GPC5: variants seen among roughly 807,000 people sequenced by gnomAD.
The protein encoded by GPC5 is glypican 5, also known as glypican-5.
A neutral mutation model predicts 53.9 loss-of-function variants in GPC5; 47 were observed. The observed-to-expected ratio is 0.87, with a 90% CI of 0.69 to 1.11. The LOEUF (loss-of-function observed/expected upper bound fraction) is 1.11. Ranked by LOEUF, GPC5 falls within the 50% of genes most tolerant of loss-of-function variation. The pLI is 0.00. For synonymous variants in GPC5, 286 were observed against 263.3 expected (o/e 1.09, Z -0.84); for missense variants, 748 against 713.1 (o/e 1.05, Z -0.56).
chr13:91,726,618 C>A (rs1200301848), intron 3 of GPC5, among the ~76,000 whole-genome samples: 1 of 152,180 alleles, frequency 6.6e-6, no homozygotes, highest in Admixed American at 6.5e-5. Flanking sequence ...GGCACCTACC[C>A]TCTGAGGACT....
At chr13:92,635,548 A>C (rs1328001117) in intron 7 of GPC5, among the ~76,000 whole-genome samples, 1 of 152,204 alleles carries the variant, frequency 6.6e-6, no homozygotes, top group Non-Finnish European at 1.5e-5. Flanking sequence ...AATGGCATTA[A>C]TCTGTACATA....
intron 2 of GPC5, among the ~76,000 whole-genome samples, chr13:91,478,879 C>CA (rs1883127207): frequency 2.3e-5 from 1 of 42,572 alleles, no homozygotes; most frequent in Non-Finnish European, 4.5e-5. Context: ...TATATATACA[C>CA]ATTATATATA....
intron 7 of GPC5, among the ~76,000 whole-genome samples, chr13:92,736,771 G>A (rs1401078613): frequency 6.6e-6 from 1 of 151,148 alleles, no homozygotes. Flanking sequence ...TGAGAACAGG[G>A]TGTTTACTCT....
chr13:92,184,678 T>G (rs2042171765), intron 7 of GPC5, among the ~76,000 whole-genome samples: 1 of 152,244 alleles, frequency 6.6e-6, no homozygotes, highest in South Asian at 2.1e-4. Context: ...AAATATTTTT[T>G]GTTTTATTTT....
chr13:92,075,673 T>A (rs1594753927), intron 6 of GPC5, among the ~76,000 whole-genome samples: 2 of 152,292 alleles, frequency 1.3e-5, no homozygotes, highest in Middle Eastern at 3.4e-3. Context: ...ACAAAAGATT[T>A]CTCTATTGGA....
At chr13:92,650,283 A>G (rs569017237) in intron 7 of GPC5, among the ~76,000 whole-genome samples, 45 of 152,250 alleles carry the variant, frequency 3.0e-4, no homozygotes, top group African/African-American at 9.6e-4. Context: ...AAACAGCAAA[A>G]GGACTCATTT....
intron 5 of GPC5, among the ~76,000 whole-genome samples, chr13:91,770,029 G>GT (rs2037593399): frequency 6.6e-6 from 1 of 152,150 alleles, no homozygotes; most frequent in Admixed American, 6.5e-5. Context: ...ACTTCCATAT[G>GT]ACTTGGCTAC....
In GPC5 at chr13:92,514,150, G is replaced by A. The variant is rs113613863; in HGVS notation, c.1562-352132G>A. Among the ~76,000 whole-genome samples, 283 of 30,346 alleles carry A rather than the reference G, an allele frequency of 9.3e-3. 2 individuals carry two copies. The highest frequency in any genetic ancestry group is 0.031 in the African/African-American group (263 of 8,622). 19.9% of individuals were successfully genotyped at this position (30,346 alleles called of 152,430 possible). A position where few individuals can be genotyped will look rare whatever the true frequency, so the allele number is the denominator to read the frequency against. On this transcript the variant is annotated intron_variant, in intron 7 of 7. Coordinates refer to ENST00000377067, the MANE Select transcript of GPC5 (RefSeq NM_004466.6). ...TGCTAGTCCCTGCCCCCCCGCCCCC[G>A]CCCCACACACACACCCAGGTCATAT... is the stretch of plus-strand genomic sequence containing the variant.
chr13:92,535,668 T>TA (rs11409400), intron 7 of GPC5, among the ~76,000 whole-genome samples: 62,919 of 147,890 alleles, frequency 0.43, 13,701 homozygotes, highest in African/African-American at 0.54. Context: ...CTATGTTTAT[T>TA]AAAAAAAAAA....
intron 7 of GPC5, among the ~76,000 whole-genome samples, chr13:92,678,564 C>T (rs1887019590): frequency 6.6e-6 from 1 of 152,154 alleles, no homozygotes; most frequent in South Asian, 2.1e-4. Context: ...GTTTAAGGGA[C>T]AGCAAATAGG....
In GPC5 at chr13:92,229,025, G is replaced by T. The variant is rs553299593; in HGVS notation, c.1561+84036G>T. Among the ~76,000 whole-genome samples the T allele has an allele frequency of 1.4e-4, 21 of 152,120 alleles. 1 individual carries two copies. In the Middle Eastern group the frequency reaches 0.014, roughly 99 times the overall value. On this transcript the variant is annotated intron_variant, in intron 7 of 7. Coordinates refer to ENST00000377067, the MANE Select transcript of GPC5 (RefSeq NM_004466.6). ...AAAATCAATAGCAAAACACAAATTTGCACAAGAAAGAAAAAGTGATAGACT... is the reference window on the plus strand; with the variant it reads ...AAAATCAATAGCAAAACACAAATTTTCACAAGAAAGAAAAAGTGATAGACT...
rs754930285 is a variant in GPC5 at position 92,361,791 on chromosome 13, C to T, written c.1561+216802C>T. Among the ~76,000 whole-genome samples the T allele has an allele frequency of 1.5e-4, 22 of 151,628 alleles. 1 individual carries two copies. The highest frequency in any genetic ancestry group is 5.4e-4 in the African/African-American group (22 of 40,944). ...CTCAAGAAAACCTCAACAGATTATACAATTATATGTAATGACTCATAAGTG... is the reference window on the plus strand; with the variant it reads ...CTCAAGAAAACCTCAACAGATTATATAATTATATGTAATGACTCATAAGTG... On this transcript the variant is annotated intron_variant, in intron 7 of 7. Coordinates refer to ENST00000377067, the MANE Select transcript of GPC5 (RefSeq NM_004466.6).
chr13:92,188,942 G>A (rs1272686362), intron 7 of GPC5, among the ~76,000 whole-genome samples: 2 of 152,186 alleles, frequency 1.3e-5, no homozygotes, highest in Non-Finnish European at 2.9e-5. Flanking sequence ...AACTTGGAGA[G>A]ACAGGCAGGT....
chr13:92,004,761 G>T (rs2040591557), intron 6 of GPC5, among the ~76,000 whole-genome samples: 1 of 151,710 alleles, frequency 6.6e-6, no homozygotes, highest in Admixed American at 6.6e-5. Context: ...GTGGTGGCAG[G>T]CAAGAAAGAA....
chr13:92,081,854 A>G (rs1365403145), intron 6 of GPC5, among the ~76,000 whole-genome samples: 1 of 152,212 alleles, frequency 6.6e-6, no homozygotes, highest in Non-Finnish European at 1.5e-5. Flanking sequence ...TGTCTCAGGA[A>G]GTATATAATG....
chr13:92,637,576 CT>C (rs1332023201), intron 7 of GPC5, among the ~76,000 whole-genome samples: 2 of 152,144 alleles, frequency 1.3e-5, no homozygotes, highest in Non-Finnish European at 2.9e-5. Flanking sequence ...TCTCCCTAGA[CT>C]AAAAGGTGCT....
chr13:92,311,418 T>C (rs958971174), intron 7 of GPC5, among the ~76,000 whole-genome samples: 2 of 152,166 alleles, frequency 1.3e-5, no homozygotes, highest in Non-Finnish European at 2.9e-5. Flanking sequence ...TCGTACATTT[T>C]ATAAAAGGGA....
intron 7 of GPC5, among the ~76,000 whole-genome samples, chr13:92,501,508 C>T (rs1034083976): frequency 2.0e-5 from 3 of 151,974 alleles, no homozygotes; most frequent in African/African-American, 4.8e-5. Flanking sequence ...AGGCAAAGAG[C>T]GTAGACCAGA....
At chr13:91,773,713 C>T (rs9523410) in intron 5 of GPC5, among the ~76,000 whole-genome samples, 55,770 of 151,946 alleles carry the variant, frequency 0.37, 11,957 homozygotes, top group East Asian at 0.65. Context: ...ATTTGTAGAA[C>T]GTAAAAGCTT....
Sources: allele counts gnomAD v4.1 joint callset (sites outside exome capture counted in the v4.1 genomes callset), GRCh38; gene constraint gnomAD v4.1.1; transcripts MANE v1.5; gene names NCBI Gene and HGNC (gene_info 2026-07-23, HGNC 2026-07-21).